Variants in HS6ST2 observed in about 807,000 individuals in gnomAD.
The protein encoded by HS6ST2 is heparan sulfate 6-O-sulfotransferase 2.
HS6ST2 carries 17 observed loss-of-function variants against 33.0 expected under a neutral mutation model. That is an observed-to-expected ratio of 0.52 (90% CI 0.35 to 0.77). HS6ST2 has a LOEUF of 0.77. HS6ST2 is among the 30% of genes least tolerant of loss of function. The pLI, the probability that HS6ST2 is intolerant of heterozygous loss-of-function variation, is 0.01. For missense variants in HS6ST2, 519 were observed against 551.7 expected, an observed-to-expected ratio of 0.94 and a Z score of 0.59; for synonymous variants, 248 against 237.1, an observed-to-expected ratio of 1.05 and a Z score of -0.42.
chrX:132,851,740 G>A (rs2065803782), intron 2 of HS6ST2, among the ~76,000 whole-genome samples: 1 of 111,679 alleles, frequency 9.0e-6, no homozygotes, highest in Non-Finnish European at 1.9e-5. Context: ...AGTAGATTGT[G>A]GCCCTTCACA....
chrX:132,863,487 C>T (rs2065933221), intron 2 of HS6ST2, among the ~76,000 whole-genome samples: 1 of 81,178 alleles, frequency 1.2e-5, no homozygotes, highest in Non-Finnish European at 2.4e-5. Flanking sequence ...ACCCAGCTAA[C>T]TTAATTTTTT....
intron 2 of HS6ST2, among the ~76,000 whole-genome samples, chrX:132,778,572 T>A (rs1336039207): frequency 4.6e-5 from 5 of 108,555 alleles, no homozygotes; most frequent in Admixed American, 2.0e-4. Flanking sequence ...GCTAATTTTT[T>A]TTTTTGTATT....
At chrX:132,894,388 G>A (rs1387141258) in intron 2 of HS6ST2, among the ~76,000 whole-genome samples, 2 of 110,089 alleles carry the variant, frequency 1.8e-5, no homozygotes, top group Non-Finnish European at 1.9e-5. Flanking sequence ...TGATCCACCC[G>A]TCTCAGCCTC....
chrX:132,684,489 C>G (rs927521099), intron 3 of HS6ST2, among the ~76,000 whole-genome samples: 2 of 109,721 alleles, frequency 1.8e-5, no homozygotes, highest in African/African-American at 6.6e-5. Context: ...AAATGGGCGG[C>G]CTTTCTGTGA....
chrX:132,764,593 A>G (rs1296764482), intron 2 of HS6ST2, among the ~76,000 whole-genome samples: 1 of 111,440 alleles, frequency 9.0e-6, no homozygotes, highest in Non-Finnish European at 1.9e-5. Flanking sequence ...AAATTCAACC[A>G]GCCTCTTGTT....
At chrX:132,790,124 A>T (rs1602678661) in intron 2 of HS6ST2, among the ~76,000 whole-genome samples, 2 of 112,151 alleles carry the variant, frequency 1.8e-5, no homozygotes, top group East Asian at 5.6e-4. Context: ...TGCTACAGAG[A>T]AATCTTTTGT....
chrX:132,808,862 C>T (rs1052087453), intron 2 of HS6ST2: 6 of 112,228 alleles, frequency 5.3e-5, no homozygotes, highest in African/African-American at 1.9e-4. Flanking sequence ...GCACCACTAC[C>T]TTCACACAAG....
chrX:132,844,296 C>A (rs2065730836), intron 2 of HS6ST2, among the ~76,000 whole-genome samples: 1 of 111,376 alleles, frequency 9.0e-6, no homozygotes, highest in African/African-American at 3.3e-5. Context: ...GATGAAGAAC[C>A]ATTGAGCTAG....
intron 2 of HS6ST2, among the ~76,000 whole-genome samples, chrX:132,944,017 G>A (rs1459355854): frequency 1.8e-5 from 2 of 111,173 alleles, no homozygotes; most frequent in East Asian, 2.8e-4. Flanking sequence ...AGGGCAATCA[G>A]GCAGGAGAAG....
intron 2 of HS6ST2, among the ~76,000 whole-genome samples, chrX:132,718,199 G>A (rs185826827): frequency 9.0e-6 from 1 of 111,533 alleles, no homozygotes; most frequent in East Asian, 2.8e-4. Context: ...AGAAAACTGA[G>A]GCTCAGACGG....
chrX:132,656,682 T>C (rs1157661691), intron 4 of HS6ST2, among the ~76,000 whole-genome samples: 1 of 111,913 alleles, frequency 8.9e-6, no homozygotes, highest in East Asian at 2.8e-4. Context: ...AGTGTGAACA[T>C]ATGGTTTTTG....
At chrX:132,764,274 C>A (rs2064825786) in intron 2 of HS6ST2, among the ~76,000 whole-genome samples, 1 of 112,187 alleles carries the variant, frequency 8.9e-6, no homozygotes, top group Non-Finnish European at 1.9e-5. Context: ...GGTCACACAG[C>A]CAGTCAGTGG....
At chrX:132,929,336 C>G (rs2148485175) in intron 2 of HS6ST2, among the ~76,000 whole-genome samples, 1 of 110,662 alleles carries the variant, frequency 9.0e-6, no homozygotes, top group Admixed American at 9.7e-5. Context: ...AGAAAACACA[C>G]ATGACAAGCC....
intron 4 of HS6ST2, among the ~76,000 whole-genome samples, chrX:132,633,615 G>A (rs922373761): frequency 2.7e-5 from 3 of 110,465 alleles, no homozygotes; most frequent in Non-Finnish European, 5.7e-5. Context: ...CTGGCACTCA[G>A]AGAGCAACCT....
rs202179309 is a variant in HS6ST2, at chrX:132,958,451, C to G, written c.152G>C (p.Arg51Pro). The G allele has an allele frequency of 9.2e-6, 11 of 1,198,736 alleles. No homozygotes were observed. The South Asian group carries it at 2.0e-4, about 22-fold the overall frequency. The stretch of plus-strand genomic sequence containing the variant: ...AGACACACCCCTAGGAGGGCCCGCG[C>G]GAACTGAGGCGGCGACCGACCCGGG... ...SRPGSVAASV[R>P]AGPPRGVSHG... The change falls in exon 1 of 5, where the codon CGC becomes CCC. Residue 51 changes from arginine to proline, a missense_variant. Arg to Pro is a moderately radical substitution (Grantham distance 103). Coordinates refer to ENST00000370833, the MANE Select transcript of HS6ST2 (RefSeq NM_001394073.1).
At chrX:132,848,911 A>G (rs1323225689) in intron 2 of HS6ST2, among the ~76,000 whole-genome samples, 1 of 111,541 alleles carries the variant, frequency 9.0e-6, no homozygotes, top group Non-Finnish European at 1.9e-5. Flanking sequence ...AGATTCCTAT[A>G]TAGCTTATCT....
intron 2 of HS6ST2, among the ~76,000 whole-genome samples, chrX:132,921,715 G>A (rs2066652527): frequency 1.8e-5 from 2 of 112,007 alleles, no homozygotes; most frequent in Non-Finnish European, 3.8e-5. Context: ...AGCATGGTGA[G>A]TGCCATGCTT....
At chrX:132,925,444 T>G (rs973706435) in intron 2 of HS6ST2, among the ~76,000 whole-genome samples, 3 of 111,941 alleles carry the variant, frequency 2.7e-5, no homozygotes, top group Non-Finnish European at 3.8e-5. Flanking sequence ...GGACTTGAGA[T>G]AGATGTCTGA....
chrX:132,742,024 T>A (rs751160256), intron 2 of HS6ST2, among the ~76,000 whole-genome samples: 1 of 111,979 alleles, frequency 8.9e-6, no homozygotes, highest in Non-Finnish European at 1.9e-5. Flanking sequence ...TTCATGGCAG[T>A]AGTAACAGTA....
Sources: allele counts gnomAD v4.1 joint callset (sites outside exome capture counted in the v4.1 genomes callset), GRCh38; gene constraint gnomAD v4.1.1; transcripts MANE v1.5; gene names NCBI Gene and HGNC (gene_info 2026-07-23, HGNC 2026-07-21).